Variants in ADAMTS17 observed in about 807,000 individuals in gnomAD.
ADAMTS17 encodes A disintegrin and metalloproteinase with thrombospondin motifs 17.
Under a neutral mutation model 141.5 loss-of-function variants are expected in ADAMTS17, and 113 were observed. That is an observed-to-expected ratio of 0.80 (90% CI 0.69 to 0.93). The LOEUF (loss-of-function observed/expected upper bound fraction) is 0.93. Among genes scored for constraint, ADAMTS17 ranks in the 40% least tolerant of loss-of-function variants. The pLI, the probability that ADAMTS17 is intolerant of heterozygous loss-of-function variation, is 0.00. For missense variants in ADAMTS17, 1,659 were observed against 1,517.9 expected (o/e 1.09, Z -1.54); for synonymous variants, 768 against 630.6 (o/e 1.22, Z -3.27).
At chr15:100,254,037 T>G in intron 7 of ADAMTS17, 99 bp downstream of exon 7, 1 of 1,143,328 alleles carries the variant, frequency 8.7e-7, no homozygotes, top group Non-Finnish European at 1.3e-6. Context: ...GAATGTGCAG[T>G]GCTTGTTTGA....
chr15:100,265,104 A>G (rs1003644675), intron 4 of ADAMTS17, among the ~76,000 whole-genome samples: 1 of 152,214 alleles, frequency 6.6e-6, no homozygotes, highest in Non-Finnish European at 1.5e-5. Flanking sequence ...CCAAGAGAGC[A>G]GGTACCAAGG....
At chr15:100,296,575 G>C (rs2044821458) in intron 3 of ADAMTS17, among the ~76,000 whole-genome samples, 1 of 55,614 alleles carries the variant, frequency 1.8e-5, no homozygotes. Flanking sequence ...GAGGGGGTGA[G>C]GGGGGGTGTG....
chr15:100,118,625 G>T (rs1012201418), intron 12 of ADAMTS17, among the ~76,000 whole-genome samples: 11 of 152,196 alleles, frequency 7.2e-5, no homozygotes, highest in African/African-American at 2.4e-4. Flanking sequence ...TGTTTAGGCA[G>T]AAGGGGCCTC....
In ADAMTS17 at chr15:100,157,568, A is replaced by G. The variant is rs78891447; in HGVS notation, c.1182-2248T>C. ...CTCAGACCCTCCTGACTGGAGGCCCACAGGCTCTTCCAACTCACCCTATTT... is the reference window on the plus strand; with the variant it reads ...CTCAGACCCTCCTGACTGGAGGCCCGCAGGCTCTTCCAACTCACCCTATTT... On this transcript the variant is annotated intron_variant, in intron 8 of 21. Coordinates refer to ENST00000268070, the MANE Select transcript of ADAMTS17 (RefSeq NM_139057.4). Among the ~76,000 whole-genome samples, 30 of 152,330 alleles carry G rather than the reference A, an allele frequency of 2.0e-4. No homozygotes were observed. In the East Asian group the frequency reaches 5.6e-3, roughly 28 times the overall value.
intron 2 of ADAMTS17, among the ~76,000 whole-genome samples, chr15:100,334,638 C>T (rs935445500): frequency 2.6e-5 from 4 of 152,212 alleles, no homozygotes; most frequent in African/African-American, 9.7e-5. Context: ...GAAGGAGGCT[C>T]CCCCACGCAA....
chr15:99,995,614 G>A (rs185707927), intron 19 of ADAMTS17, among the ~76,000 whole-genome samples: 15 of 152,292 alleles, frequency 9.8e-5, no homozygotes, highest in African/African-American at 3.6e-4. Flanking sequence ...GAAGAAGCTG[G>A]GGAGTAGGTA....
chr15:100,107,379 T>C (rs966976273), intron 14 of ADAMTS17, among the ~76,000 whole-genome samples: 1 of 152,168 alleles, frequency 6.6e-6, no homozygotes, highest in African/African-American at 2.4e-5. Flanking sequence ...GACACTGATC[T>C]GCCTGCTCCA....
At chr15:100,063,782 A>G (rs34229918) in intron 15 of ADAMTS17, 213,706 of 1,284,896 alleles carry the variant, frequency 0.17, 21,107 homozygotes, top group East Asian at 0.51. Context: ...ACGACACAGA[A>G]GTAAACCACA....
chr15:100,278,450 CT>C (rs1433889994), intron 4 of ADAMTS17, among the ~76,000 whole-genome samples: 1 of 152,182 alleles, frequency 6.6e-6, no homozygotes, highest in African/African-American at 2.4e-5. Context: ...CACATGCCCA[CT>C]GAGGCCACGT....
intron 3 of ADAMTS17, among the ~76,000 whole-genome samples, chr15:100,323,954 T>G (rs894042925): frequency 2.7e-5 from 4 of 146,198 alleles, no homozygotes; most frequent in African/African-American, 1.0e-4. Flanking sequence ...TTCCGGGGAA[T>G]AAGCCAGAGC....
In ADAMTS17 at chr15:100,332,038, T is replaced by C. The variant is rs1596541753; in HGVS notation, c.451-984A>G. 2.0e-5 allele frequency among the ~76,000 whole-genome samples: 3 copies of C among 152,122 alleles called. No homozygotes were observed. In the South Asian group the frequency reaches 6.2e-4, roughly 32 times the overall value. ...CAAGATTCCTGGAAAGTAAATCAGA[T>C]CAACTAATAAGATCGCCTACAATCT... is the stretch of plus-strand genomic sequence containing the variant. On this transcript the variant is annotated intron_variant, in intron 2 of 21. Transcript: ENST00000268070.
At chr15:100,173,003 A>C (rs2040216289) in intron 8 of ADAMTS17, among the ~76,000 whole-genome samples, 3 of 152,078 alleles carry the variant, frequency 2.0e-5, no homozygotes, top group South Asian at 2.1e-4. Flanking sequence ...TGCACATTAG[A>C]ATCTCCTGGA....
intron 7 of ADAMTS17, among the ~76,000 whole-genome samples, chr15:100,233,834 G>C (rs2141860154): frequency 6.6e-6 from 1 of 152,178 alleles, no homozygotes; most frequent in South Asian, 2.1e-4. Flanking sequence ...CCTGGCAAGG[G>C]AAGGAGGAGG....
At chr15:100,005,447 T>C (rs987038246) in intron 18 of ADAMTS17, among the ~76,000 whole-genome samples, 3 of 152,080 alleles carry the variant, frequency 2.0e-5, no homozygotes, top group Non-Finnish European at 4.4e-5. Flanking sequence ...CATTCCTTCT[T>C]TTCCAGCTCC....
intron 3 of ADAMTS17, among the ~76,000 whole-genome samples, chr15:100,311,325 G>A (rs548904117): frequency 4.6e-5 from 7 of 152,284 alleles, no homozygotes; most frequent in South Asian, 4.1e-4. Flanking sequence ...AGCCAGCACC[G>A]AGGCCATGCG....
intron 18 of ADAMTS17, among the ~76,000 whole-genome samples, chr15:100,027,885 G>T: frequency 6.6e-6 from 1 of 152,212 alleles, no homozygotes; most frequent in African/African-American, 2.4e-5. Context: ...GAAGGAGTGG[G>T]CTGGGGAGTA....
At chr15:100,124,586 G>A (rs141063498) in intron 12 of ADAMTS17, among the ~76,000 whole-genome samples, 157 of 152,340 alleles carry the variant, frequency 1.0e-3, no homozygotes, top group African/African-American at 3.5e-3. Context: ...ACACATGCGC[G>A]CCCCAGGGGC....
At chr15:100,051,177 GGCC>G (rs1228311924) in intron 17 of ADAMTS17, among the ~76,000 whole-genome samples, 2 of 152,196 alleles carry the variant, frequency 1.3e-5, no homozygotes, top group Admixed American at 1.3e-4. Context: ...AGGTGACTGT[GGCC>G]AAGAGGGAAG....
intron 8 of ADAMTS17, among the ~76,000 whole-genome samples, chr15:100,182,315 T>G (rs530521636): frequency 1.3e-5 from 2 of 152,170 alleles, no homozygotes; most frequent in African/African-American, 4.8e-5. Context: ...GCACTCACTA[T>G]CGCAAGAACA....
Sources: gnomAD v4.1 joint callset for allele counts (sites outside exome capture counted in the v4.1 genomes callset) on GRCh38, gnomAD v4.1.1 for gene constraint, MANE v1.5 for transcripts, NCBI Gene and HGNC (gene_info 2026-07-23, HGNC 2026-07-21) for gene names.